Variants in LRRC7 observed in about 807,000 individuals in gnomAD.
LRRC7 encodes leucine rich repeat containing 7, also known as leucine-rich repeat-containing protein 7.
Under a neutral mutation model 175.7 loss-of-function variants are expected in LRRC7, and 23 were observed. The ratio of observed to expected loss-of-function variants is 0.13; its 90% CI spans 0.09 to 0.19. LRRC7 has a LOEUF of 0.19. Among genes scored for constraint, LRRC7 ranks in the 10% least tolerant of loss-of-function variants. LRRC7 has a pLI of 1.00. For missense variants in LRRC7, 1,354 were observed against 1,904.7 expected, an observed-to-expected ratio of 0.71 and a Z score of 5.38; for synonymous variants, 685 against 680.9, an observed-to-expected ratio of 1.01 and a Z score of -0.09.
Position 69,999,754 on chromosome 1 carries a change from A to G in LRRC7, c.1004+5121A>G, listed in dbSNP as rs116311671. ...CATGAGAGATGTGGAACTGTGATTT[A>G]TAGGAGAAAAAGCAGAAGAAATTTG... On this transcript the variant is annotated intron_variant, in intron 11 of 26. Transcript: ENST00000651989. Among the ~76,000 whole-genome samples the G allele has an allele frequency of 3.1e-3, 476 of 152,302 alleles. 3 individuals carry two copies. The highest frequency in any genetic ancestry group is 0.01 in the African/African-American group (428 of 41,558).
chr1:70,082,392 CCATAGAATTTTAT>C (rs1663269094), intron 24 of LRRC7, among the ~76,000 whole-genome samples: 1 of 152,058 alleles, frequency 6.6e-6, no homozygotes, highest in Admixed American at 6.6e-5. Context: ...AATATTTCCC[CCATAGAATTTTAT>C]TCTCCAGTCA....
chr1:69,663,500 T>A (rs1207283875), intron 1 of LRRC7, among the ~76,000 whole-genome samples: 1 of 152,080 alleles, frequency 6.6e-6, no homozygotes, highest in Non-Finnish European at 1.5e-5. Flanking sequence ...CTTTTAGTTA[T>A]TTTTTAATTG....
intron 3 of LRRC7, among the ~76,000 whole-genome samples, chr1:69,790,964 C>G (rs1355337700): frequency 6.6e-6 from 1 of 151,938 alleles, no homozygotes; most frequent in Non-Finnish European, 1.5e-5. Context: ...TGAGTTAAGA[C>G]ATAACGACCA....
intron 7 of LRRC7, among the ~76,000 whole-genome samples, chr1:69,847,844 A>G (rs1682545899): frequency 6.6e-6 from 1 of 152,098 alleles, no homozygotes; most frequent in Admixed American, 6.6e-5. Flanking sequence ...AAAACATACC[A>G]AGGCACATGT....
At chr1:69,785,735 T>C (rs1674334495) in intron 3 of LRRC7, among the ~76,000 whole-genome samples, 1 of 152,140 alleles carries the variant, frequency 6.6e-6, no homozygotes, top group Non-Finnish European at 1.5e-5. Flanking sequence ...GATCTAAAGT[T>C]AATCAGTATC....
At chr1:69,833,706 C>T (rs915280029) in intron 5 of LRRC7, among the ~76,000 whole-genome samples, 2 of 151,958 alleles carry the variant, frequency 1.3e-5, no homozygotes, top group African/African-American at 4.8e-5. Flanking sequence ...GTGATGGCAA[C>T]TGTTGCTAGG....
intron 7 of LRRC7, among the ~76,000 whole-genome samples, chr1:69,847,929 A>C (rs910284193): frequency 1.3e-5 from 2 of 152,164 alleles, no homozygotes; most frequent in Non-Finnish European, 2.9e-5. Context: ...GCTTGAAGTC[A>C]ACATTTCTGG....
chr1:69,642,944 G>A (rs1417297662), intron 1 of LRRC7, among the ~76,000 whole-genome samples: 2 of 152,054 alleles, frequency 1.3e-5, no homozygotes, highest in African/African-American at 4.8e-5. Context: ...CCATCTGCAG[G>A]CTGGAGAGCC....
At chr1:70,012,494 A>G (rs1656598386) in intron 12 of LRRC7, among the ~76,000 whole-genome samples, 1 of 151,882 alleles carries the variant, frequency 6.6e-6, no homozygotes, top group African/African-American at 2.4e-5. Context: ...CATTCTTATA[A>G]TGATGCAACA....
At chr1:69,809,002 A>G (rs1677478626) in intron 4 of LRRC7, among the ~76,000 whole-genome samples, 2 of 152,142 alleles carry the variant, frequency 1.3e-5, no homozygotes, top group Admixed American at 6.5e-5. Context: ...TGGTTTTTTG[A>G]AAAGATCAAC....
chr1:69,660,988 AT>A (rs1373816993), intron 1 of LRRC7, among the ~76,000 whole-genome samples: 1 of 152,050 alleles, frequency 6.6e-6, no homozygotes, highest in African/African-American at 2.4e-5. Flanking sequence ...TAAATAACTT[AT>A]TTAGATATGC....
At chr1:69,984,404 A>G (rs1010305550) in intron 9 of LRRC7, among the ~76,000 whole-genome samples, 4 of 152,210 alleles carry the variant, frequency 2.6e-5, no homozygotes, top group African/African-American at 4.8e-5. Flanking sequence ...GTATTTGTTT[A>G]TTTATACTCT....
Position 69,826,426 on chromosome 1 carries a change from T to G in LRRC7, c.500+600T>G, listed in dbSNP as rs7532489. Among the ~76,000 whole-genome samples, 1,496 of 152,234 alleles carry G rather than the reference T, an allele frequency of 9.8e-3. 21 individuals carry two copies. The highest frequency in any genetic ancestry group is 0.034 in the African/African-American group (1,407 of 41,552). On this transcript the variant is annotated intron_variant, in intron 5 of 26. Coordinates refer to ENST00000651989, the MANE Select transcript of LRRC7 (RefSeq NM_001370785.2). Reference sequence around the variant, plus strand: ...CCATAGAAAAATGATACCCAGCAAGTGACCATGTTGGTAAATTGAGCATAT... The same window carrying G: ...CCATAGAAAAATGATACCCAGCAAGGGACCATGTTGGTAAATTGAGCATAT...
intron 1 of LRRC7, among the ~76,000 whole-genome samples, chr1:69,641,981 C>T (rs573281708): frequency 1.3e-5 from 2 of 151,848 alleles, no homozygotes; most frequent in African/African-American, 4.8e-5. Context: ...GCTGTTAGAG[C>T]TTCATGGTTG....
chr1:70,019,439 G>A (rs1657254272), intron 15 of LRRC7, among the ~76,000 whole-genome samples: 3 of 151,902 alleles, frequency 2.0e-5, no homozygotes, highest in Non-Finnish European at 4.4e-5. Flanking sequence ...TTGAAACTTA[G>A]CATAGGCTCC....
chr1:69,683,053 A>G (rs1660696728), intron 2 of LRRC7, among the ~76,000 whole-genome samples: 1 of 152,170 alleles, frequency 6.6e-6, no homozygotes, highest in South Asian at 2.1e-4. Flanking sequence ...CACATTCTTG[A>G]ATGTTTCAAC....
chr1:69,615,518 C>T (rs1649470100), intron 1 of LRRC7, among the ~76,000 whole-genome samples: 1 of 151,982 alleles, frequency 6.6e-6, no homozygotes, highest in Admixed American at 6.6e-5. Context: ...CAATCAATGC[C>T]AACAGCTTTC....
At chr1:69,875,039 A>G (rs917589541) in intron 7 of LRRC7, 1 of 152,108 alleles carries the variant, frequency 6.6e-6, no homozygotes, top group Admixed American at 6.6e-5. Flanking sequence ...ATCTTAGTGT[A>G]GTTTTATAAT....
chr1:70,084,006 C>G (rs911526114), intron 24 of LRRC7, among the ~76,000 whole-genome samples: 1 of 152,082 alleles, frequency 6.6e-6, no homozygotes, highest in Middle Eastern at 3.2e-3. Flanking sequence ...TATATTACAC[C>G]ATTCTTCCTC....
Sources: gnomAD v4.1 joint callset for allele counts (sites outside exome capture counted in the v4.1 genomes callset) on GRCh38, gnomAD v4.1.1 for gene constraint, MANE v1.5 for transcripts, NCBI Gene and HGNC (gene_info 2026-07-23, HGNC 2026-07-21) for gene names.